Variants in RNASET2 observed in about 807,000 individuals in gnomAD.
RNASET2 encodes ribonuclease T2.
In RNASET2, 28 loss-of-function variants were observed where a neutral mutation model predicts 33.9. The ratio of observed to expected loss-of-function variants is 0.83; its 90% confidence interval spans 0.61 to 1.13. The LOEUF is 1.13. Among genes scored for constraint, RNASET2 ranks in the 50% most tolerant of loss-of-function variants. The pLI, the probability that RNASET2 is intolerant of heterozygous loss-of-function variation, is 0.00. For synonymous variants in RNASET2, 123 were observed against 121.0 expected, an observed-to-expected ratio of 1.02 and a Z score of -0.11; for missense variants, 330 against 319.9, an observed-to-expected ratio of 1.03 and a Z score of -0.24.
At chr6:166,940,792 GCGTGTTGCC>G (rs1246637052) in intron 5 of RNASET2, among the ~76,000 whole-genome samples, 1 of 151,836 alleles carries the variant, frequency 6.6e-6, no homozygotes, top group Non-Finnish European at 1.5e-5. Context: ...AAGTGACTCA[GCGTGTTGCC>G]CTCTGTGCTG....
At position 166,922,988 on chromosome 6, in the gene RNASET2, A is replaced by G. The variant is rs942713714; in HGVS notation, c.*6600T>C. Among the ~76,000 whole-genome samples, 2 of 152,228 alleles carry G rather than the reference A, an allele frequency of 1.3e-5. No homozygotes were observed. The highest frequency in any genetic ancestry group is 2.4e-5 in the African/African-American group (1 of 41,458). On this transcript the variant is annotated 3_prime_UTR_variant, in exon 9 of 9. Coordinates refer to ENST00000508775, the MANE Select transcript of RNASET2 (RefSeq NM_003730.6). ...TGATTGTGTAATTCTTGCTCCCTCA[A>G]ATAAAGGGAATGTAAATGCATAAGA...
At position 166,937,977 on chromosome 6, in the gene RNASET2, T is replaced by C. The variant is rs368983842; in HGVS notation, c.446+918A>G. On this transcript the variant is annotated intron_variant, in intron 6 of 8. Transcript: ENST00000508775. ...CATCTGTGTGAGACGATTTTGTACG[T>C]TGAGGAGGCAAAGCACATGTCTAGA... Among the ~76,000 whole-genome samples, 21 of 152,332 alleles carry C rather than the reference T, an allele frequency of 1.4e-4. No homozygotes were observed. In the South Asian group the frequency reaches 2.5e-3, roughly 18 times the overall value.
In RNASET2 at chr6:166,956,512, G is replaced by A; in HGVS notation, c.-330C>T. On this transcript the variant is annotated 5_prime_UTR_variant, in exon 1 of 9. Transcript: ENST00000508775. ...GCGACCCCAGCTCCTCCACGCTGCAGCCGCCGTCCGCCCACGACCACGGTC... is the reference window on the plus strand; with the variant it reads ...GCGACCCCAGCTCCTCCACGCTGCAACCGCCGTCCGCCCACGACCACGGTC... 1 of 377,044 alleles carries A rather than the reference G, an allele frequency of 2.7e-6. No individual in the cohort carries two copies. Among genetic ancestry groups the A allele is most frequent in the Non-Finnish European group, 4.9e-6 (1 of 205,140 alleles). The allele number at this position is 377,044 out of a possible 1,614,324, so 23.4% of individuals were successfully genotyped here. A position where few individuals can be genotyped will look rare whatever the true frequency, so the allele number is the denominator to read the frequency against.
intron 2 of RNASET2, among the ~76,000 whole-genome samples, chr6:166,950,321 C>G (rs1778953800): frequency 6.6e-6 from 1 of 152,244 alleles, no homozygotes; most frequent in Non-Finnish European, 1.5e-5. Flanking sequence ...CCGGCTCCTT[C>G]TGTCCACTGC....
At chr6:166,943,149 G>T (rs1473344382) in intron 4 of RNASET2, 60 bp from the exon 5 acceptor site, 34 of 1,286,326 alleles carry the variant, frequency 2.6e-5, no homozygotes, top group Non-Finnish European at 3.7e-5. Context: ...TCAAAACCTA[G>T]AAGGTAAATT....
rs1197432958 is a variant in RNASET2 at position 166,929,121 on chromosome 6, T to C, written c.*467A>G. ...ACGATGTCCTGGGGCTCTGGTCACA[T>C]GGAACAGACCCAGTCTGAGCTAGAG... On this transcript the variant is annotated 3_prime_UTR_variant, in exon 9 of 9. Coordinates refer to ENST00000508775, the MANE Select transcript of RNASET2 (RefSeq NM_003730.6). 1.3e-5 allele frequency among the ~76,000 whole-genome samples: 2 copies of C among 152,190 alleles called. No homozygotes were observed. Among genetic ancestry groups the C allele is most frequent in the African/African-American group, 4.8e-5 (2 of 41,446 alleles).
At chr6:166,930,143 A>C (rs1044828370) in intron 8 of RNASET2, among the ~76,000 whole-genome samples, 1 of 152,244 alleles carries the variant, frequency 6.6e-6, no homozygotes, top group Admixed American at 6.5e-5. Flanking sequence ...ATATCTATCA[A>C]GATATTAGGA....
intron 4 of RNASET2, among the ~76,000 whole-genome samples, chr6:166,946,394 T>G (rs9459810): frequency 0.12 from 17,944 of 152,218 alleles, 1,282 homozygotes; most frequent in African/African-American, 0.18. Context: ...TCTGCACAGG[T>G]CTGGCATGGG....
Position 166,931,408 on chromosome 6 carries a change from C to T in RNASET2, c.493-290G>A, listed in dbSNP as rs554031597. 573 of 482,060 alleles carry T rather than the reference C, an allele frequency of 1.2e-3. 3 individuals are homozygous for T. Among genetic ancestry groups the T allele is most frequent in the African/African-American group, 0.01 (534 of 51,264 alleles). 29.9% of individuals were successfully genotyped at this position (482,060 alleles called of 1,614,324 possible). The stretch of plus-strand genomic sequence containing the variant: ...TCCTCCTCCCAGTGTCTTTCTGGGC[C>T]CCGAGCTGTCTCACCTGAAACGCCA... On this transcript the variant is annotated intron_variant, in intron 7 of 8. Transcript: ENST00000508775.
At position 166,948,646 on chromosome 6, in the gene RNASET2, G is replaced by A. The variant is rs375544116; in HGVS notation, c.148-21C>T. The A allele has an allele frequency of 9.9e-6, 13 of 1,316,074 alleles. No individual in the cohort carries two copies. The Admixed American group carries it at 1.0e-4, about 10-fold the overall frequency. 81.5% of individuals were successfully genotyped at this position (1,316,074 alleles called of 1,614,324 possible). A position where few individuals can be genotyped will look rare whatever the true frequency, so the allele number is the denominator to read the frequency against. On this transcript the variant is annotated intron_variant, in intron 2 of 8. Transcript: ENST00000508775. Reference sequence around the variant, plus strand: ...ATTTTCTAGGGAGAAAATATAACAAGAAAATGATTGGCTCTTTGTTTATTC... The same window carrying A: ...ATTTTCTAGGGAGAAAATATAACAAAAAAATGATTGGCTCTTTGTTTATTC...
chr6:166,955,325 ACGC>A (rs1779117548), intron 1 of RNASET2, among the ~76,000 whole-genome samples: 12 of 68,646 alleles, frequency 1.7e-4, no homozygotes, highest in African/African-American at 8.8e-4. Flanking sequence ...ACGCACACAC[ACGC>A]ACGCACGCAC....
intron 4 of RNASET2, chr6:166,944,013 A>G (rs2769340): frequency 0.4 from 76,253 of 190,340 alleles, 17,115 homozygotes; most frequent in African/African-American, 0.63. Flanking sequence ...CCAGCTACTC[A>G]GGAGGCTGAG....
chr6:166,931,127 A>G lies in RNASET2; in HGVS notation c.493-9T>C, dbSNP rs780523470. On this transcript the variant is annotated splice_polypyrimidine_tract_variant and intron_variant, in intron 7 of 8. Coordinates refer to ENST00000508775, the MANE Select transcript of RNASET2 (RefSeq NM_003730.6). ...TCTTTAAAATCTGCAACCTGATTTT[A>G]AATACAAGTGTATTAGAAATTAAAC... 1.1e-5 allele frequency: 17 copies of G among 1,570,390 alleles called. 1 individual carries two copies. The African/African-American group carries it at 1.6e-4, about 15-fold the overall frequency.
chr6:166,955,195 ACG>A (rs796866550), intron 1 of RNASET2, among the ~76,000 whole-genome samples: 5,625 of 114,052 alleles, frequency 0.049, 269 homozygotes, highest in African/African-American at 0.11. Context: ...ACACGCACAC[ACG>A]CACGCACACA....
chr6:166,939,019 T>C lies in RNASET2; in HGVS notation c.333-11A>G, dbSNP rs1424923336. ...TCCCACTCATGCTTCCTGTGAGGATTAGGAAAAATCTCCACTTAAAAGTAG... is the reference window on the plus strand; with the variant it reads ...TCCCACTCATGCTTCCTGTGAGGATCAGGAAAAATCTCCACTTAAAAGTAG... On this transcript the variant is annotated splice_polypyrimidine_tract_variant and intron_variant, in intron 5 of 8. Transcript: ENST00000508775. 1.2e-6 allele frequency: 2 copies of C among 1,600,894 alleles called. No individual in the cohort carries two copies. Among genetic ancestry groups the C allele is most frequent in the Non-Finnish European group, 1.7e-6 (2 of 1,170,416 alleles).
At chr6:166,942,682 T>A (rs1389400133) in intron 5 of RNASET2, among the ~76,000 whole-genome samples, 1 of 151,966 alleles carries the variant, frequency 6.6e-6, no homozygotes, top group Non-Finnish European at 1.5e-5. Context: ...GCTCAAGCAA[T>A]CCACCCGCCT....
chr6:166,955,685 A>C, intron 1 of RNASET2: 2 of 1,058,102 alleles, frequency 1.9e-6, no homozygotes, highest in South Asian at 2.9e-5. Flanking sequence ...ACCTCACCCT[A>C]CCCCCTACTC....
chr6:166,950,015 T>A (rs1370692226), intron 2 of RNASET2, among the ~76,000 whole-genome samples: 2 of 152,002 alleles, frequency 1.3e-5, no homozygotes, highest in African/African-American at 4.8e-5. Flanking sequence ...TTGCTACAGA[T>A]TTTTTTTTAA....
intron 5 of RNASET2, among the ~76,000 whole-genome samples, chr6:166,940,471 T>C (rs955836331): frequency 2.0e-5 from 3 of 152,158 alleles, no homozygotes; most frequent in African/African-American, 7.2e-5. Flanking sequence ...ACTTCCTATA[T>C]CCTATAAGGT....
Sources: gnomAD v4.1 joint callset for allele counts (sites outside exome capture counted in the v4.1 genomes callset) on GRCh38, gnomAD v4.1.1 for gene constraint, MANE v1.5 for transcripts, NCBI Gene and HGNC (gene_info 2026-07-23, HGNC 2026-07-21) for gene names.